LRRC7: variants seen among roughly 807,000 people sequenced by gnomAD.
The protein encoded by LRRC7 is leucine rich repeat containing 7.
Under a neutral mutation model 175.7 loss-of-function variants are expected in LRRC7, and 23 were observed. The observed-to-expected ratio is 0.13, with a 90% confidence interval of 0.09 to 0.19. LRRC7 has a LOEUF of 0.19. Ranked by LOEUF, LRRC7 falls within the 10% of genes least tolerant of loss-of-function variation. LRRC7 has a pLI of 1.00. For synonymous variants in LRRC7, 685 were observed against 680.9 expected (o/e 1.01, Z -0.09); for missense variants, 1,354 against 1,904.7 (o/e 0.71, Z 5.38).
Position 70,122,808 on chromosome 1 carries a change from T to G in LRRC7, c.*921T>G, listed in dbSNP as rs934939735. ...ATTTCTTTACTTGTAAATGTGGAATTTATTTGTGTGTTGCTTAATCTAATT... is the reference window on the plus strand; with the variant it reads ...ATTTCTTTACTTGTAAATGTGGAATGTATTTGTGTGTTGCTTAATCTAATT... On this transcript the variant is annotated 3_prime_UTR_variant, in exon 27 of 27. Coordinates refer to ENST00000651989, the MANE Select transcript of LRRC7 (RefSeq NM_001370785.2). 2 of 152,518 alleles carry G rather than the reference T, an allele frequency of 1.3e-5. No homozygotes were observed. The highest frequency in any genetic ancestry group is 4.8e-5 in the African/African-American group (2 of 41,458). 9.4% of individuals were successfully genotyped at this position (152,518 alleles called of 1,614,324 possible). A position where few individuals can be genotyped will look rare whatever the true frequency, so the allele number is the denominator to read the frequency against.
chr1:70,076,327 A>C (rs1662773938), intron 24 of LRRC7, 29 bp downstream of exon 24: 4 of 1,603,280 alleles, frequency 2.5e-6, no homozygotes, highest in Non-Finnish European at 2.6e-6. Context: ...TTACTGAAAA[A>C]TCTTCAGGTA....
At chr1:69,592,511 A>G (rs544252856) in intron 1 of LRRC7, among the ~76,000 whole-genome samples, 27 of 152,098 alleles carry the variant, frequency 1.8e-4, no homozygotes, top group Non-Finnish European at 3.7e-4. Context: ...ATGCTAGCCA[A>G]ACACTATTGT....
chr1:70,013,110 A>G, intron 13 of LRRC7, 21 bp downstream of exon 13: 1 of 1,386,852 alleles, frequency 7.2e-7, no homozygotes, highest in South Asian at 1.3e-5. Context: ...AACATTTCAC[A>G]ATCACATATT....
At chr1:70,047,506 A>G (rs1660419332) in intron 22 of LRRC7, among the ~76,000 whole-genome samples, 1 of 152,142 alleles carries the variant, frequency 6.6e-6, no homozygotes, top group Non-Finnish European at 1.5e-5. Context: ...CTGTCTTTAA[A>G]CAAATTTGTA....
intron 4 of LRRC7, among the ~76,000 whole-genome samples, chr1:69,802,109 T>C (rs924160283): frequency 2.0e-5 from 3 of 151,558 alleles, no homozygotes; most frequent in African/African-American, 7.2e-5. Flanking sequence ...TTTTTTTAAA[T>C]TTATTGAGAC....
intron 11 of LRRC7, among the ~76,000 whole-genome samples, chr1:70,010,293 C>G (rs1418158288): frequency 6.6e-6 from 1 of 152,178 alleles, no homozygotes; most frequent in Non-Finnish European, 1.5e-5. Context: ...TGACCAGGCA[C>G]AGTGGCTCAC....
intron 7 of LRRC7, among the ~76,000 whole-genome samples, chr1:69,923,666 A>G (rs1646964327): frequency 6.6e-6 from 1 of 151,860 alleles, no homozygotes; most frequent in South Asian, 2.1e-4. Context: ...TTTTTCTTGT[A>G]AATTTGTTTG....
At chr1:69,822,964 T>G (rs1938580) in intron 4 of LRRC7, among the ~76,000 whole-genome samples, 98,020 of 152,028 alleles carry the variant, frequency 0.64, 31,820 homozygotes, top group East Asian at 0.78. Flanking sequence ...TTCATAGTTT[T>G]GGAATATTAG....
intron 2 of LRRC7, among the ~76,000 whole-genome samples, chr1:69,727,975 C>A (rs1459386238): frequency 6.6e-6 from 1 of 152,142 alleles, no homozygotes; most frequent in East Asian, 1.9e-4. Flanking sequence ...CTCGTGTCAA[C>A]CATTTTTATC....
intron 24 of LRRC7, among the ~76,000 whole-genome samples, chr1:70,082,781 A>ATCTTTTTTTT (rs1553201466): frequency 0.029 from 1,492 of 52,302 alleles, 591 homozygotes; most frequent in South Asian, 0.044. Context: ...ATACCAGTAC[A>ATCTTTTTTTT]TTTTTTTTTT....
chr1:69,839,363 G>C (rs1316794450), intron 7 of LRRC7, among the ~76,000 whole-genome samples: 1 of 152,076 alleles, frequency 6.6e-6, no homozygotes, highest in African/African-American at 2.4e-5. Context: ...GACAAGGAGA[G>C]AGCATAGAAA....
intron 2 of LRRC7, among the ~76,000 whole-genome samples, chr1:69,759,100 AGAGAAAGATG>A (rs1670754556): frequency 6.6e-6 from 1 of 152,038 alleles, no homozygotes; most frequent in African/African-American, 2.4e-5. Context: ...GTGGGAACTC[AGAGAAAGATG>A]CTACTCATCT....
chr1:69,793,698 T>C (rs1253937369), intron 4 of LRRC7, among the ~76,000 whole-genome samples: 1 of 152,094 alleles, frequency 6.6e-6, no homozygotes, highest in Non-Finnish European at 1.5e-5. Flanking sequence ...TTGTCTGGAA[T>C]CTCCTTACTA....
intron 14 of LRRC7, among the ~76,000 whole-genome samples, chr1:70,017,275 A>T (rs1291190721): frequency 7.2e-5 from 11 of 152,064 alleles, no homozygotes; most frequent in Admixed American, 7.2e-4. Flanking sequence ...AGAAAAAAAA[A>T]AAAAAAGGAA....
intron 2 of LRRC7, among the ~76,000 whole-genome samples, chr1:69,717,757 T>TGAAA (rs1332788759): frequency 4.7e-5 from 3 of 63,516 alleles, no homozygotes; most frequent in African/African-American, 2.6e-4. Flanking sequence ...TATTGGAACA[T>TGAAA]GAAAAAAAGA....
chr1:69,829,684 A>G (rs963290428), intron 5 of LRRC7, among the ~76,000 whole-genome samples: 15 of 151,840 alleles, frequency 9.9e-5, no homozygotes, highest in Non-Finnish European at 1.5e-5. Context: ...TTTTAAATAA[A>G]TCAATTACAT....
chr1:69,788,652 G>T (rs1208977563), intron 3 of LRRC7, among the ~76,000 whole-genome samples: 1 of 152,008 alleles, frequency 6.6e-6, no homozygotes, highest in East Asian at 1.9e-4. Context: ...TGACATTATT[G>T]CCTCTTTAGC....
At chr1:69,878,572 G>T (rs779858332) in intron 7 of LRRC7, among the ~76,000 whole-genome samples, 47 of 152,018 alleles carry the variant, frequency 3.1e-4, no homozygotes, top group Non-Finnish European at 5.3e-4. Context: ...AAGGCTTCTG[G>T]CAGATTTTCT....
At chr1:69,919,551 C>G in intron 7 of LRRC7, 1 of 794,622 alleles carries the variant, frequency 1.3e-6, no homozygotes, top group Non-Finnish European at 2.2e-6. Flanking sequence ...TGAAGCCAGT[C>G]AAGGCGGCCC....
Sources: gnomAD v4.1 joint callset for allele counts (sites outside exome capture counted in the v4.1 genomes callset) on GRCh38, gnomAD v4.1.1 for gene constraint, MANE v1.5 for transcripts, NCBI Gene and HGNC (gene_info 2026-07-23, HGNC 2026-07-21) for gene names.